The following CCSER1 variants were observed in gnomAD, a reference collection of about 807,000 sequenced individuals.
CCSER1 encodes serine-rich coiled-coil domain-containing protein 1.
In CCSER1, 41 loss-of-function variants were observed where a neutral mutation model predicts 82.0. That is an observed-to-expected ratio of 0.50 (90% CI 0.39 to 0.65). The LOEUF is 0.65. CCSER1 is among the 30% of genes least tolerant of loss of function. The pLI, the probability that CCSER1 is intolerant of heterozygous loss-of-function variation, is 0.00. For synonymous variants in CCSER1, 414 were observed against 383.9 expected (o/e 1.08, Z -0.92); for missense variants, 1,119 against 1,064.2 (o/e 1.05, Z -0.72).
chr4:90,729,763 C>T (rs578045551), intron 7 of CCSER1, among the ~76,000 whole-genome samples: 2 of 152,102 alleles, frequency 1.3e-5, no homozygotes, highest in African/African-American at 4.8e-5. Flanking sequence ...GTAGTCCCAG[C>T]TACTGGGGAG....
intron 8 of CCSER1, among the ~76,000 whole-genome samples, chr4:90,885,805 C>CT (rs1402393884): frequency 6.6e-6 from 1 of 152,112 alleles, no homozygotes; most frequent in Non-Finnish European, 1.5e-5. Context: ...GCAAATCTGC[C>CT]AAATTAGGAA....
At chr4:90,155,862 C>G (rs1728035569) in intron 1 of CCSER1, among the ~76,000 whole-genome samples, 1 of 151,246 alleles carries the variant, frequency 6.6e-6, no homozygotes, top group Admixed American at 6.6e-5. Flanking sequence ...TTTTTTGTGT[C>G]TCTATTTCCT....
chr4:90,651,767 A>G (rs1728796317), intron 6 of CCSER1, among the ~76,000 whole-genome samples: 1 of 152,184 alleles, frequency 6.6e-6, no homozygotes, highest in South Asian at 2.1e-4. Flanking sequence ...AGCAAATTTG[A>G]AAGCTAATGT....
In CCSER1 at chr4:91,433,325, A is replaced by G. The variant is rs111279188; in HGVS notation, c.2218-165247A>G. 2.3e-3 allele frequency among the ~76,000 whole-genome samples: 350 copies of G among 152,310 alleles called. 1 individual carries two copies. The highest frequency in any genetic ancestry group is 7.3e-3 in the African/African-American group (304 of 41,568). On this transcript the variant is annotated intron_variant, in intron 10 of 10. Transcript: ENST00000509176. ...GTGACACTGTGGCCATCATAACGTC[A>G]TAGCACAACTGCTTTATTTCTTAAT...
At chr4:90,458,707 G>A (rs1178503690) in intron 4 of CCSER1, among the ~76,000 whole-genome samples, 4 of 152,124 alleles carry the variant, frequency 2.6e-5, no homozygotes. Context: ...AATCTTTAAT[G>A]AACAACAAGT....
At chr4:90,719,083 A>G (rs1431974078) in intron 6 of CCSER1, among the ~76,000 whole-genome samples, 1 of 152,002 alleles carries the variant, frequency 6.6e-6, no homozygotes, top group Admixed American at 6.6e-5. Context: ...GTTGGAACTG[A>G]GCCACACTGC....
intron 10 of CCSER1, among the ~76,000 whole-genome samples, chr4:91,416,973 T>A (rs1753403268): frequency 6.6e-6 from 1 of 151,920 alleles, no homozygotes; most frequent in Non-Finnish European, 1.5e-5. Context: ...AGGTCTAATA[T>A]CCAGAGTCTA....
At chr4:90,935,326 G>C (rs1730795971) in intron 9 of CCSER1, among the ~76,000 whole-genome samples, 1 of 152,054 alleles carries the variant, frequency 6.6e-6, no homozygotes, top group Non-Finnish European at 1.5e-5. Context: ...TCACCTCCCT[G>C]CTGTCTCTCC....
intron 8 of CCSER1, among the ~76,000 whole-genome samples, chr4:90,874,938 C>A (rs772038551): frequency 6.6e-6 from 1 of 152,096 alleles, no homozygotes; most frequent in Non-Finnish European, 1.5e-5. Flanking sequence ...CCCAGCTACT[C>A]AGAAGGCTGC....
intron 8 of CCSER1, among the ~76,000 whole-genome samples, chr4:90,920,775 C>CT (rs956346468): frequency 4.6e-5 from 7 of 151,686 alleles, no homozygotes; most frequent in African/African-American, 1.7e-4. Flanking sequence ...GATATATTTT[C>CT]TTTTTTTCCC....
At chr4:90,867,616 G>A (rs944319827) in intron 8 of CCSER1, among the ~76,000 whole-genome samples, 3 of 151,708 alleles carry the variant, frequency 2.0e-5, no homozygotes, top group African/African-American at 4.8e-5. Flanking sequence ...CTGTTGTGCT[G>A]TCAAATACTA....
At chr4:90,155,761 T>C (rs75443473) in intron 1 of CCSER1, among the ~76,000 whole-genome samples, 99,800 of 150,854 alleles carry the variant, frequency 0.66, 33,747 homozygotes, top group East Asian at 0.85. Flanking sequence ...ATTCTTCTCT[T>C]TTTTCTTCTT....
At chr4:91,255,453 G>A (rs1740611903) in intron 10 of CCSER1, among the ~76,000 whole-genome samples, 1 of 152,158 alleles carries the variant, frequency 6.6e-6, no homozygotes, top group African/African-American at 2.4e-5. Context: ...ATTACAGAAT[G>A]ATAAACTACT....
chr4:91,501,315 C>G (rs1218550930), intron 10 of CCSER1, among the ~76,000 whole-genome samples: 1 of 151,726 alleles, frequency 6.6e-6, no homozygotes, highest in East Asian at 1.9e-4. Flanking sequence ...CTTATGTTCA[C>G]AACATTAATC....
At chr4:90,923,780 T>A (rs1244566521) in intron 9 of CCSER1, among the ~76,000 whole-genome samples, 1 of 152,246 alleles carries the variant, frequency 6.6e-6, no homozygotes, top group Non-Finnish European at 1.5e-5. Flanking sequence ...TATTAACAGT[T>A]TAATAAAGTT....
intron 10 of CCSER1, among the ~76,000 whole-genome samples, chr4:91,297,424 T>TGTGTGTGTGTGTGTGTGTGTG (rs1744301707): frequency 7.5e-6 from 1 of 133,416 alleles, no homozygotes; most frequent in South Asian, 2.4e-4. Context: ...TGTGTGTGTG[T>TGTGTGTGTGTGTGTGTGTGTG]TAGGGAGACA....
At chr4:90,579,326 T>C (rs186316152) in intron 5 of CCSER1, among the ~76,000 whole-genome samples, 127 of 152,312 alleles carry the variant, frequency 8.3e-4, no homozygotes, top group Non-Finnish European at 1.4e-3. Context: ...CAATTTGAGG[T>C]GACGACTTTA....
At chr4:90,384,796 G>T (rs1330713387) in intron 3 of CCSER1, among the ~76,000 whole-genome samples, 3 of 152,102 alleles carry the variant, frequency 2.0e-5, no homozygotes, top group African/African-American at 7.2e-5. Flanking sequence ...TGGATGAATT[G>T]TATAGTGAGG....
chr4:90,391,504 A>T (rs867426843), intron 3 of CCSER1, among the ~76,000 whole-genome samples: 59 of 79,336 alleles, frequency 7.4e-4, no homozygotes, highest in African/African-American at 1.7e-3. Flanking sequence ...ACAGTGGGTA[A>T]ATATATATAT....
Sources: allele counts gnomAD v4.1 joint callset (sites outside exome capture counted in the v4.1 genomes callset), GRCh38; gene constraint gnomAD v4.1.1; transcripts MANE v1.5; gene names NCBI Gene and HGNC (gene_info 2026-07-23, HGNC 2026-07-21).